CDH23: variants seen among roughly 807,000 people sequenced by gnomAD.
CDH23 encodes cadherin-23.
In CDH23, 189 loss-of-function variants were observed where a neutral mutation model predicts 317.1. That is an observed-to-expected ratio of 0.60 (90% CI 0.53 to 0.67). CDH23 has a LOEUF of 0.67. CDH23 is among the 30% of genes least tolerant of loss of function. The pLI is 0.00. For missense variants in CDH23, 4,401 were observed against 4,592.4 expected (o/e 0.96, Z 1.20); for synonymous variants, 1,839 against 1,876.8 (o/e 0.98, Z 0.52).
At chr10:71,814,917 G>A (rs745885001) in intron 69 of CDH23, 35 bp from the exon 70 acceptor site, 69 of 1,566,564 alleles carry the variant, frequency 4.4e-5, no homozygotes, top group Non-Finnish European at 5.5e-5. Context: ...CCTTGGGCAT[G>A]GCCCTGAGCA....
intron 38 of CDH23, among the ~76,000 whole-genome samples, chr10:71,756,471 C>T (rs183096699): frequency 1.3e-5 from 2 of 152,322 alleles, no homozygotes; most frequent in African/African-American, 2.4e-5. Context: ...AACTTGTGCA[C>T]GCAGCCTGGC....
chr10:71,655,727 G>A (rs772540573), intron 14 of CDH23, among the ~76,000 whole-genome samples: 144 of 152,210 alleles, frequency 9.5e-4, no homozygotes, highest in Non-Finnish European at 1.4e-3. Flanking sequence ...GTCTGGGGTG[G>A]TCTGGGGTAT....
intron 9 of CDH23, among the ~76,000 whole-genome samples, chr10:71,580,993 T>C (rs1270463897): frequency 2.0e-5 from 3 of 152,322 alleles, no homozygotes; most frequent in Admixed American, 6.5e-5. Context: ...GGATTTGGCC[T>C]CATCTCTACT....
At chr10:71,636,085 C>G (rs1862256905) in intron 11 of CDH23, among the ~76,000 whole-genome samples, 1 of 151,926 alleles carries the variant, frequency 6.6e-6, no homozygotes, top group Non-Finnish European at 1.5e-5. Context: ...CATTCTGTCT[C>G]CAGCAGATGA....
In CDH23 at chr10:71,815,705, G is replaced by A. The variant is rs1842112624; in HGVS notation, c.*427G>A. ...CAGCGCGGACATCCCCTGCTGGCCGGACACCCGACTCCAGTCCAAGTCTCG... is the reference window on the plus strand; with the variant it reads ...CAGCGCGGACATCCCCTGCTGGCCGAACACCCGACTCCAGTCCAAGTCTCG... On this transcript the variant is annotated 3_prime_UTR_variant, in exon 70 of 70. Transcript: ENST00000224721. 1 of 163,054 alleles carries A rather than the reference G, an allele frequency of 6.1e-6. No homozygotes were observed. Among genetic ancestry groups the A allele is most frequent in the South Asian group, 1.9e-4 (1 of 5,350 alleles). The allele number at this position is 163,054 out of a possible 1,614,324, so 10.1% of individuals were successfully genotyped here.
At chr10:71,662,697 C>T (rs1863728221) in intron 14 of CDH23, among the ~76,000 whole-genome samples, 2 of 152,212 alleles carry the variant, frequency 1.3e-5, no homozygotes, top group South Asian at 4.1e-4. Flanking sequence ...ATCATCCCAA[C>T]TCGATAACTG....
At chr10:71,416,199 A>G (rs1475286003) in intron 1 of CDH23, among the ~76,000 whole-genome samples, 1 of 152,020 alleles carries the variant, frequency 6.6e-6, no homozygotes, top group East Asian at 1.9e-4. Flanking sequence ...TAATTTTTGT[A>G]TTTTTAGTAG....
intron 1 of CDH23, among the ~76,000 whole-genome samples, chr10:71,435,991 A>C (rs1487834948): frequency 6.6e-6 from 1 of 152,248 alleles, no homozygotes; most frequent in East Asian, 1.9e-4. Flanking sequence ...CAGAGGAGCC[A>C]GAGGAAGATC....
At chr10:71,439,180 C>T (rs1365584627) in intron 1 of CDH23, among the ~76,000 whole-genome samples, 1 of 152,260 alleles carries the variant, frequency 6.6e-6, no homozygotes, top group Non-Finnish European at 1.5e-5. Flanking sequence ...TTAGCCTCCA[C>T]AGACTTGCTG....
At chr10:71,567,698 G>C (rs1334108134) in intron 7 of CDH23, among the ~76,000 whole-genome samples, 1 of 152,208 alleles carries the variant, frequency 6.6e-6, no homozygotes, top group Non-Finnish European at 1.5e-5. Context: ...CTGTTTGGGA[G>C]ATCCTGGGGA....
At chr10:71,527,083 AC>A (rs909871564) in intron 6 of CDH23, among the ~76,000 whole-genome samples, 4 of 151,766 alleles carry the variant, frequency 2.6e-5, no homozygotes, top group Admixed American at 6.6e-5. Context: ...GTCTCCCACC[AC>A]CCCTCTCTCC....
intron 3 of CDH23, among the ~76,000 whole-genome samples, chr10:71,491,036 G>A (rs1852626628): frequency 6.6e-6 from 1 of 152,126 alleles, no homozygotes; most frequent in Non-Finnish European, 1.5e-5. Context: ...AATAAAAAGA[G>A]GGGCTGTAAC....
At chr10:71,615,694 G>A in intron 10 of CDH23, 78 bp downstream of exon 10, 1 of 1,019,344 alleles carries the variant, frequency 9.8e-7, no homozygotes, top group Non-Finnish European at 1.5e-6. Flanking sequence ...CAGTGTCCGA[G>A]GGCTCCTGCC....
At chr10:71,522,298 G>A (rs930133827) in intron 6 of CDH23, among the ~76,000 whole-genome samples, 13 of 152,132 alleles carry the variant, frequency 8.5e-5, no homozygotes, top group Admixed American at 6.5e-4. Flanking sequence ...ATCCCACTGT[G>A]CCCCTCCCTG....
intron 6 of CDH23, among the ~76,000 whole-genome samples, chr10:71,534,943 C>T (rs111723898): frequency 1.1e-4 from 16 of 152,326 alleles, no homozygotes; most frequent in African/African-American, 3.4e-4. Flanking sequence ...GGAAGCCAGT[C>T]ATTCCTGGCC....
At chr10:71,445,073 C>T (rs1232748443) in intron 2 of CDH23, among the ~76,000 whole-genome samples, 1 of 152,184 alleles carries the variant, frequency 6.6e-6, no homozygotes, top group East Asian at 1.9e-4. Flanking sequence ...CACCCTGACC[C>T]CCTCCAGACC....
intron 1 of CDH23, among the ~76,000 whole-genome samples, chr10:71,398,384 C>T (rs536647667): frequency 6.6e-6 from 1 of 151,860 alleles, no homozygotes; most frequent in African/African-American, 2.4e-5. Context: ...TGGGAAGTGC[C>T]CCAACCCTAA....
intron 3 of CDH23, among the ~76,000 whole-genome samples, chr10:71,469,136 T>C (rs539254734): frequency 6.6e-6 from 1 of 152,204 alleles, no homozygotes; most frequent in African/African-American, 2.4e-5. Flanking sequence ...TATTCTATAG[T>C]GTTATTGAAG....
chr10:71,432,840 G>T (rs1429920621), intron 1 of CDH23, among the ~76,000 whole-genome samples: 1 of 152,154 alleles, frequency 6.6e-6, no homozygotes, highest in Non-Finnish European at 1.5e-5. Flanking sequence ...GGAGCTCCAT[G>T]TCCCTAGAAA....
Sources: allele counts gnomAD v4.1 joint callset (sites outside exome capture counted in the v4.1 genomes callset), GRCh38; gene constraint gnomAD v4.1.1; transcripts MANE v1.5; gene names NCBI Gene and HGNC (gene_info 2026-07-23, HGNC 2026-07-21).